The following AOAH variants were observed in gnomAD, a reference collection of about 807,000 sequenced individuals.
AOAH encodes acyloxyacyl hydrolase.
In AOAH, 64 loss-of-function variants were observed where a neutral mutation model predicts 92.2. The observed-to-expected ratio is 0.69, with a 90% confidence interval of 0.57 to 0.86. The LOEUF (loss-of-function observed/expected upper bound fraction) is 0.86. Ranked by LOEUF, AOAH falls within the 40% of genes least tolerant of loss-of-function variation. AOAH has a pLI of 0.00. For missense variants in AOAH, 656 were observed against 694.6 expected (o/e 0.94, Z 0.62); for synonymous variants, 263 against 254.5 (o/e 1.03, Z -0.32).
chr7:36,657,787 G>A (rs1191211326), intron 4 of AOAH, among the ~76,000 whole-genome samples: 1 of 152,168 alleles, frequency 6.6e-6, no homozygotes, highest in Non-Finnish European at 1.5e-5. Context: ...AGGGTAGGAA[G>A]ACAAGGACAT....
chr7:36,602,913 C>G (rs150013124), intron 11 of AOAH, among the ~76,000 whole-genome samples: 12 of 152,120 alleles, frequency 7.9e-5, no homozygotes, highest in African/African-American at 2.9e-4. Context: ...TCTTTCTCTC[C>G]GCTCTTTCAC....
chr7:36,633,787 A>G (rs1793321774), intron 5 of AOAH, among the ~76,000 whole-genome samples: 2 of 152,092 alleles, frequency 1.3e-5, no homozygotes, highest in Admixed American at 1.3e-4. Flanking sequence ...ATCATTTGAG[A>G]TAAGAGACCC....
intron 3 of AOAH, among the ~76,000 whole-genome samples, chr7:36,670,082 A>T (rs1795821521): frequency 1.3e-5 from 2 of 151,644 alleles, no homozygotes; most frequent in South Asian, 4.1e-4. Flanking sequence ...TTTTTTTAAC[A>T]TCTTGTGGCT....
intron 19 of AOAH, among the ~76,000 whole-genome samples, chr7:36,523,626 C>A (rs1296329022): frequency 1.3e-5 from 1 of 75,576 alleles, no homozygotes; most frequent in Non-Finnish European, 2.4e-5. Context: ...GCCTGTTTTG[C>A]CTGTTTTTTT....
At chr7:36,671,733 G>A (rs958809115) in intron 3 of AOAH, among the ~76,000 whole-genome samples, 1 of 152,010 alleles carries the variant, frequency 6.6e-6, no homozygotes, top group East Asian at 1.9e-4. Flanking sequence ...GTAGGGGGTA[G>A]AGGTTTTGGA....
At chr7:36,657,050 C>G (rs942835736) in intron 4 of AOAH, among the ~76,000 whole-genome samples, 2 of 151,952 alleles carry the variant, frequency 1.3e-5, no homozygotes, top group African/African-American at 2.4e-5. Context: ...GTTAAGGGAA[C>G]AAAGTAGGGT....
At chr7:36,610,520 A>G (rs1316136452) in intron 11 of AOAH, among the ~76,000 whole-genome samples, 1 of 150,584 alleles carries the variant, frequency 6.6e-6, no homozygotes, top group Non-Finnish European at 1.5e-5. Context: ...TTAAAAAAAA[A>G]GAATATTAAA....
intron 10 of AOAH, among the ~76,000 whole-genome samples, chr7:36,617,172 G>A (rs1263822784): frequency 6.6e-6 from 1 of 152,112 alleles, no homozygotes; most frequent in Non-Finnish European, 1.5e-5. Flanking sequence ...TCATGCAAGA[G>A]GGTGGCCTAG....
intron 1 of AOAH, among the ~76,000 whole-genome samples, chr7:36,702,328 T>C (rs1447443359): frequency 1.3e-5 from 2 of 152,228 alleles, no homozygotes; most frequent in Non-Finnish European, 2.9e-5. Flanking sequence ...ACTTCTTTTT[T>C]ACCATTTCTT....
chr7:36,653,443 A>G (rs1794700911), intron 4 of AOAH, among the ~76,000 whole-genome samples: 1 of 152,228 alleles, frequency 6.6e-6, no homozygotes, highest in Non-Finnish European at 1.5e-5. Context: ...ACTTTCTCAT[A>G]TAAAGAGTGA....
At chr7:36,694,422 T>C (rs10264180) in intron 1 of AOAH, among the ~76,000 whole-genome samples, 2,597 of 152,188 alleles carry the variant, frequency 0.017, 81 homozygotes, top group African/African-American at 0.06. Context: ...AGCTTGAACC[T>C]GGGAGGTGGA....
chr7:36,577,722 A>T (rs943764126), intron 12 of AOAH, among the ~76,000 whole-genome samples: 2 of 152,178 alleles, frequency 1.3e-5, no homozygotes, highest in Non-Finnish European at 2.9e-5. Context: ...AATGTAATTA[A>T]ATGTTATGTT....
chr7:36,644,331 CTT>C (rs919548738), intron 4 of AOAH, among the ~76,000 whole-genome samples: 3 of 146,830 alleles, frequency 2.0e-5, no homozygotes, highest in Admixed American at 6.8e-5. Context: ...AAACGGTGTG[CTT>C]TTTTTTTTTA....
intron 4 of AOAH, among the ~76,000 whole-genome samples, chr7:36,654,126 C>CATGCATCCCTGTGTGTGTGT (rs1554305697): frequency 6.6e-6 from 1 of 151,158 alleles, no homozygotes; most frequent in Admixed American, 6.6e-5. Flanking sequence ...TGCGTGTGTG[C>CATGCATCCCTGTGTGTGTGT]GTACACACAC....
intron 2 of AOAH, among the ~76,000 whole-genome samples, chr7:36,684,922 AAAAAAAAAAAAAAAAAAGAAGAAG>A (rs1455776608): frequency 1.7e-5 from 2 of 120,826 alleles, no homozygotes; most frequent in African/African-American, 6.8e-5. Context: ...AAAAAAAAAA[AAAAAAAAAAAAAAAAAAGAAGAAG>A]AAGAAGAAGA....
At position 36,676,930 on chromosome 7, in the gene AOAH, C is replaced by T. The variant is rs116397528; in HGVS notation, c.224-2921G>A. On this transcript the variant is annotated intron_variant, in intron 2 of 20. Transcript: ENST00000617537. ...TTCACACTATATACAAAAATTAACC[C>T]AAAACGGGTCAAAGACCTAAATGTA... Among the ~76,000 whole-genome samples, 567 of 152,096 alleles carry T rather than the reference C, an allele frequency of 3.7e-3. 3 individuals carry two copies. Among genetic ancestry groups the T allele is most frequent in the African/African-American group, 0.013 (548 of 41,506 alleles).
intron 2 of AOAH, among the ~76,000 whole-genome samples, chr7:36,678,035 T>G (rs1796364797): frequency 6.6e-6 from 1 of 152,238 alleles, no homozygotes; most frequent in Non-Finnish European, 1.5e-5. Flanking sequence ...TGGTGACTGA[T>G]GAACACGCAA....
chr7:36,635,150 T>C (rs1226292397), intron 5 of AOAH, among the ~76,000 whole-genome samples: 2 of 152,154 alleles, frequency 1.3e-5, no homozygotes, highest in Non-Finnish European at 2.9e-5. Context: ...CTTTGCTAGA[T>C]AGAGACAAAA....
At chr7:36,529,395 T>C (rs1784568808) in intron 19 of AOAH, among the ~76,000 whole-genome samples, 1 of 152,240 alleles carries the variant, frequency 6.6e-6, no homozygotes, top group Admixed American at 6.5e-5. Context: ...AAGTTATTTA[T>C]CAAAATGTCT....
Sources: gnomAD v4.1 joint callset for allele counts (sites outside exome capture counted in the v4.1 genomes callset) on GRCh38, gnomAD v4.1.1 for gene constraint, MANE v1.5 for transcripts, NCBI Gene and HGNC (gene_info 2026-07-23, HGNC 2026-07-21) for gene names.